ITGAE: variants seen among roughly 807,000 people sequenced by gnomAD.
The protein encoded by ITGAE is integrin subunit alpha E, also known as integrin alpha-E.
In ITGAE, 99 loss-of-function variants were observed where a neutral mutation model predicts 136.5. The observed-to-expected ratio is 0.73, with a 90% CI of 0.62 to 0.86. The LOEUF (loss-of-function observed/expected upper bound fraction) is 0.86, where lower values mean the gene tolerates loss of function less well. ITGAE is among the 40% of genes least tolerant of loss of function. ITGAE has a pLI of 0.00. For synonymous variants in ITGAE, 613 were observed against 591.8 expected (o/e 1.04, Z -0.52); for missense variants, 1,447 against 1,515.3 (o/e 0.95, Z 0.75).
chr17:3,776,728 T>C (rs868358690), intron 2 of ITGAE, among the ~76,000 whole-genome samples: 1 of 147,968 alleles, frequency 6.8e-6, no homozygotes, highest in Middle Eastern at 3.4e-3. Flanking sequence ...CAGACAGTTT[T>C]TGGTTTTTTT....
intron 1 of ITGAE, among the ~76,000 whole-genome samples, chr17:3,788,721 T>C (rs1004007353): frequency 6.8e-6 from 1 of 146,640 alleles, no homozygotes; most frequent in African/African-American, 2.5e-5. Flanking sequence ...TTAAAATAAT[T>C]ATTTAAAAAT....
intron 28 of ITGAE, among the ~76,000 whole-genome samples, chr17:3,721,246 G>A (rs993415932): frequency 3.3e-5 from 4 of 120,760 alleles, no homozygotes; most frequent in African/African-American, 9.1e-5. Context: ...TTTATTTAAC[G>A]TAAGAGATTT....
At chr17:3,789,977 C>G (rs530064588) in intron 1 of ITGAE, among the ~76,000 whole-genome samples, 2 of 152,242 alleles carry the variant, frequency 1.3e-5, no homozygotes, top group East Asian at 3.9e-4. Context: ...GGTAAAGCTT[C>G]TAAATGAGAG....
intron 10 of ITGAE, 119 bp from the exon 11 acceptor site, chr17:3,756,016 G>A (rs2052013240): frequency 1.1e-6 from 1 of 943,640 alleles, no homozygotes; most frequent in East Asian, 2.7e-5. Context: ...GTAACAGGAA[G>A]AGAACCCGGC....
intron 2 of ITGAE, among the ~76,000 whole-genome samples, chr17:3,771,064 G>C (rs984509016): frequency 6.6e-6 from 1 of 151,346 alleles, no homozygotes; most frequent in Non-Finnish European, 1.5e-5. Flanking sequence ...CCCCAAAAAT[G>C]AGTACATTCT....
chr17:3,795,975 A>C (rs1159986850), intron 1 of ITGAE, among the ~76,000 whole-genome samples: 3 of 69,628 alleles, frequency 4.3e-5, no homozygotes, highest in African/African-American at 2.1e-4. Context: ...GCGTGTGTGC[A>C]TCCGTGTGTG....
rs1253603844 is a variant in ITGAE, at chr17:3,744,620, T to TC, written c.2320-1004_2320-1003insG. Among the ~76,000 whole-genome samples, 4 of 150,674 alleles carry TC rather than the reference T, an allele frequency of 2.7e-5. No individual in the cohort carries two copies. The East Asian group carries it at 7.8e-4, about 29-fold the overall frequency. Reference sequence around the variant, plus strand: ...CCACCACGCCTGGCTAATTTTTGTATTTTTTTTTAGTAGAGACAGGGTTTT... The same window carrying TC: ...CCACCACGCCTGGCTAATTTTTGTATCTTTTTTTTAGTAGAGACAGGGTTTT... On this transcript the variant is annotated intron_variant, in intron 18 of 30. Coordinates refer to ENST00000263087, the MANE Select transcript of ITGAE (RefSeq NM_002208.5).
chr17:3,763,113 G>A (rs1187306997), intron 3 of ITGAE, among the ~76,000 whole-genome samples: 2 of 152,038 alleles, frequency 1.3e-5, no homozygotes, highest in South Asian at 2.1e-4. Context: ...GGCTGGTCTC[G>A]AACTCTGGAC....
At chr17:3,738,317 CCCA>C (rs1395893738) in intron 20 of ITGAE, among the ~76,000 whole-genome samples, 1 of 152,028 alleles carries the variant, frequency 6.6e-6, no homozygotes, top group African/African-American at 2.4e-5. Flanking sequence ...ATTACAGGCG[CCCA>C]CCACCATGCC....
chr17:3,716,677 G>A lies in ITGAE; in HGVS notation c.3444+11C>T. The A allele has an allele frequency of 6.7e-7, 1 of 1,495,648 alleles. No homozygotes were observed. The highest frequency in any genetic ancestry group is 9.3e-7 in the Non-Finnish European group (1 of 1,072,178). 92.6% of individuals were successfully genotyped at this position (1,495,648 alleles called of 1,614,324 possible). Reference sequence around the variant, plus strand: ...GTCTTCCCTCACTGTGATGCCATGAGTAGAACTGACCTTGAACAGGATGAC... The same window carrying A: ...GTCTTCCCTCACTGTGATGCCATGAATAGAACTGACCTTGAACAGGATGAC... On this transcript the variant is annotated intron_variant, in intron 30 of 30. Coordinates refer to ENST00000263087, the MANE Select transcript of ITGAE (RefSeq NM_002208.5).
At chr17:3,736,792 T>C (rs2051467348) in intron 20 of ITGAE, among the ~76,000 whole-genome samples, 1 of 151,990 alleles carries the variant, frequency 6.6e-6, no homozygotes, top group Non-Finnish European at 1.5e-5. Flanking sequence ...CTAGGAAGTA[T>C]GGCCTCCCAA....
rs1555523662 is a variant in ITGAE, at chr17:3,761,031, C to CGTCTTCCTCCTCCT, written c.566_579dup (p.Glu194ArgfsTer40). The CGTCTTCCTCCTCCT allele has an allele frequency of 1.3e-5, 21 of 1,603,948 alleles. 1 individual carries two copies. The South Asian group carries it at 2.3e-4, about 18-fold the overall frequency. ...TTCTCACCAGCTTCCTCCTCCTCCT[C>CGTCTTCCTCCTCCT]GTCTTCCTCCTCCTCCTTGTCTTCC... On this transcript the variant is annotated frameshift_variant, in exon 6 of 31. Transcript: ENST00000263087. LOFTEE classifies it high-confidence loss of function.
At chr17:3,728,055 A>C (rs1407636746) in intron 25 of ITGAE, 29 bp from the exon 26 acceptor site, 1 of 1,606,128 alleles carries the variant, frequency 6.2e-7, no homozygotes, top group Non-Finnish European at 8.5e-7. Flanking sequence ...GTAGGAAATC[A>C]AAGCTGGTAT....
intron 19 of ITGAE, among the ~76,000 whole-genome samples, chr17:3,741,465 T>C (rs553114618): frequency 1.3e-5 from 2 of 152,084 alleles, no homozygotes; most frequent in Non-Finnish European, 2.9e-5. Context: ...GGTTAAGCCA[T>C]CTAAACTCCC....
chr17:3,769,744 C>T (rs201421972), intron 2 of ITGAE, among the ~76,000 whole-genome samples: 8 of 152,140 alleles, frequency 5.3e-5, no homozygotes, highest in East Asian at 3.9e-4. Context: ...AGTGCAGTGG[C>T]GTGATCTCGG....
intron 17 of ITGAE, among the ~76,000 whole-genome samples, chr17:3,747,367 G>C (rs1036559581): frequency 6.6e-6 from 1 of 152,006 alleles, no homozygotes; most frequent in African/African-American, 2.4e-5. Flanking sequence ...ACCCAGCGTG[G>C]AGTGCAGTGG....
chr17:3,798,473 C>G lies in ITGAE; in HGVS notation c.34+2638G>C, dbSNP rs544274748. Among the ~76,000 whole-genome samples, 3 of 152,252 alleles carry G rather than the reference C, an allele frequency of 2.0e-5. No individual in the cohort carries two copies. In the South Asian group the frequency reaches 6.2e-4, roughly 32 times the overall value. On this transcript the variant is annotated intron_variant, in intron 1 of 30. Coordinates refer to ENST00000263087, the MANE Select transcript of ITGAE (RefSeq NM_002208.5). The surrounding 1 kb of genome is among the most constrained non-coding windows in gnomAD (Gnocchi z 4.3). ...CCCCAGGGCTTGGTCCCTCCTATCCCCCCTGCACAGAAGGCCCCTCTGCTC... is the reference window on the plus strand; with the variant it reads ...CCCCAGGGCTTGGTCCCTCCTATCCGCCCTGCACAGAAGGCCCCTCTGCTC...
chr17:3,740,037 C>G (rs757467205), intron 19 of ITGAE, among the ~76,000 whole-genome samples, 159 bp from the exon 20 acceptor site: 4 of 152,274 alleles, frequency 2.6e-5, no homozygotes, highest in Middle Eastern at 3.4e-3. Context: ...GGATTGTCCC[C>G]GAAGAGCAGG....
intron 29 of ITGAE, among the ~76,000 whole-genome samples, chr17:3,719,723 T>TA (rs1567752425): frequency 6.6e-6 from 1 of 151,632 alleles, no homozygotes; most frequent in Non-Finnish European, 1.5e-5. Context: ...GTAATTCATT[T>TA]TTTATTTATT....
Sources: allele counts gnomAD v4.1 joint callset (sites outside exome capture counted in the v4.1 genomes callset), GRCh38; gene constraint gnomAD v4.1.1; non-coding constraint Gnocchi (gnomAD v3.1); transcripts MANE v1.5; gene names NCBI Gene and HGNC (gene_info 2026-07-23, HGNC 2026-07-21).